Variants in RHOBTB1 observed in about 807,000 individuals in gnomAD.
RHOBTB1 encodes the protein rho-related BTB domain-containing protein 1.
In RHOBTB1, 40 loss-of-function variants were observed where a neutral mutation model predicts 71.6. The ratio of observed to expected loss-of-function variants is 0.56; its 90% CI spans 0.43 to 0.73. The LOEUF (loss-of-function observed/expected upper bound fraction) is 0.73, where lower values mean the gene tolerates loss of function less well. Among genes scored for constraint, RHOBTB1 ranks in the 30% least tolerant of loss-of-function variants. The pLI is 0.00. For synonymous variants in RHOBTB1, 319 were observed against 334.9 expected, an observed-to-expected ratio of 0.95 and a Z score of 0.52; for missense variants, 797 against 894.0, an observed-to-expected ratio of 0.89 and a Z score of 1.38.
intron 5 of RHOBTB1, among the ~76,000 whole-genome samples, chr10:60,892,408 T>A (rs1226732954): frequency 1.3e-5 from 2 of 152,200 alleles, no homozygotes; most frequent in African/African-American, 4.8e-5. Context: ...TATGTGTGTT[T>A]GTATGAATCT....
chr10:60,879,704 T>C (rs2081222369), intron 7 of RHOBTB1, among the ~76,000 whole-genome samples: 1 of 152,088 alleles, frequency 6.6e-6, no homozygotes, highest in African/African-American at 2.4e-5. Flanking sequence ...TAAAGATATA[T>C]ATCTATATAT....
chr10:60,947,849 G>A (rs561894528), upstream of RHOBTB1, among the ~76,000 whole-genome samples: 10 of 152,284 alleles, frequency 6.6e-5, no homozygotes, highest in African/African-American at 1.9e-4. Flanking sequence ...GATGAATACT[G>A]AAGAATGCAA....
intron 1 of RHOBTB1, among the ~76,000 whole-genome samples, chr10:60,991,615 T>C (rs1354927764): frequency 6.6e-6 from 1 of 152,028 alleles, no homozygotes; most frequent in Non-Finnish European, 1.5e-5. Context: ...ATTTTTTTAG[T>C]AGAGACGGGG....
At position 60,888,232 on chromosome 10, in the gene RHOBTB1, A is replaced by G. The variant is rs1331988916; in HGVS notation, c.1436T>C (p.Leu479Pro). The change falls in exon 6 of 11, where the codon CTC (leucine) becomes CCC (proline). Residue 479 changes from leucine to proline, a missense_variant. Transcript: ENST00000337910. ...VRKANRIKEC[L>P]SKGTFSDVTF... ...CTCACCCGAGAACGTTCCCTTGCTG[A>G]GACACTCTTTTATCCGATTGGCTTT... 1.2e-6 allele frequency: 2 copies of G among 1,613,410 alleles called. No individual in the cohort carries two copies.
Position 60,888,660 on chromosome 10 carries a change from G to A in RHOBTB1, c.1008C>T (p.Gly336=), listed in dbSNP as rs770664391. The A allele has an allele frequency of 6.2e-7, 1 of 1,614,066 alleles. No homozygotes were observed. The highest frequency in any genetic ancestry group is 1.7e-5 in the Admixed American group (1 of 60,004). The change falls in exon 6 of 11, where the codon GGC becomes GGT. Residue 336 remains glycine, a synonymous_variant. Coordinates refer to ENST00000337910, the MANE Select transcript of RHOBTB1 (RefSeq NM_014836.5). ...SVDPEEEREE[G]PPRIPQADQW... ...GGTCGGCCTGAGGAATCCTAGGCGG[G>A]CCCTCCTCCCTTTCTTCCTCTGGGT...
intron 4 of RHOBTB1, among the ~76,000 whole-genome samples, chr10:60,906,868 G>A (rs182216142): frequency 2.0e-5 from 3 of 152,318 alleles, no homozygotes; most frequent in Admixed American, 6.5e-5. Context: ...GGACTGATAT[G>A]GTTTGGCTGT....
rs1051173894 is a variant in RHOBTB1 at position 60,932,386 on chromosome 10, T to C, written c.-11+9418A>G. ...GTGGTGACCAGAAGTAGGGCACTGG[T>C]GGTGTACTGGTTCTTGATCTAGGTG... On this transcript the variant is annotated intron_variant, in intron 2 of 10. Transcript: ENST00000337910. 4.6e-5 allele frequency among the ~76,000 whole-genome samples: 7 copies of C among 151,916 alleles called. No homozygotes were observed. In the East Asian group the frequency reaches 1.4e-3, roughly 29 times the overall value.
intron 2 of RHOBTB1, among the ~76,000 whole-genome samples, chr10:60,952,067 C>T (rs2085430328): frequency 6.7e-6 from 1 of 149,432 alleles, no homozygotes; most frequent in Non-Finnish European, 1.5e-5. Flanking sequence ...CAGCCCCCCA[C>T]CCCCCCAAAA....
chr10:60,897,656 T>C (rs1343170118), intron 4 of RHOBTB1, among the ~76,000 whole-genome samples: 8 of 152,200 alleles, frequency 5.3e-5, no homozygotes, highest in Admixed American at 5.2e-4. Context: ...TTGGGTCTCT[T>C]GATACAGTAA....
At chr10:60,881,154 CTT>C (rs1023659963) in intron 7 of RHOBTB1, among the ~76,000 whole-genome samples, 1 of 152,142 alleles carries the variant, frequency 6.6e-6, no homozygotes, top group Non-Finnish European at 1.5e-5. Flanking sequence ...TTCTCTCTCT[CTT>C]GCCTGCTGCC....
chr10:61,000,482 G>A (rs2087222668), intron 1 of RHOBTB1, among the ~76,000 whole-genome samples: 1 of 152,036 alleles, frequency 6.6e-6, no homozygotes, highest in African/African-American at 2.4e-5. Context: ...GCATAAAAAG[G>A]CACATAAAGA....
chr10:60,882,432 G>A (rs143971474), intron 7 of RHOBTB1, among the ~76,000 whole-genome samples: 3 of 152,252 alleles, frequency 2.0e-5, no homozygotes, highest in Middle Eastern at 3.4e-3. Context: ...CCTCTGGGGA[G>A]AGAATTATGC....
upstream of RHOBTB1, chr10:61,001,457 C>T (rs943198012): frequency 6.6e-6 from 1 of 150,528 alleles, no homozygotes; most frequent in African/African-American, 2.4e-5. Flanking sequence ...CCGAGGCTGG[C>T]GCGGGCTTTG....
At chr10:60,865,684 G>C (rs1564708504), downstream of RHOBTB1, among the ~76,000 whole-genome samples, 1 of 152,194 alleles carries the variant, frequency 6.6e-6, no homozygotes. Flanking sequence ...CAGTCTCCAG[G>C]CTGGCCCATA....
At chr10:60,986,386 A>C (rs34808058) in intron 1 of RHOBTB1, among the ~76,000 whole-genome samples, 161 of 134,672 alleles carry the variant, frequency 1.2e-3, no homozygotes, top group Non-Finnish European at 1.7e-3. Context: ...CCAAGAAATT[A>C]ATGAAATATA....
intron 2 of RHOBTB1, among the ~76,000 whole-genome samples, chr10:60,925,559 T>C (rs908398815): frequency 6.6e-6 from 1 of 151,698 alleles, no homozygotes; most frequent in African/African-American, 2.4e-5. Flanking sequence ...CCAAAATTAG[T>C]AGAAGAATTA....
chr10:60,960,032 A>G lies in RHOBTB1; in HGVS notation c.-61-18178T>C, dbSNP rs540405383. 1.4e-4 allele frequency among the ~76,000 whole-genome samples: 22 copies of G among 152,338 alleles called. No homozygotes were observed. In the East Asian group the frequency reaches 4.2e-3, roughly 29 times the overall value. ...GCTGGAAATACTAATTTGTTCTGAC[A>G]TGGAGATTGGTAGGTGTTGTAGAAA... is the stretch of plus-strand genomic sequence containing the variant. On this transcript the variant is annotated intron_variant, in intron 2 of 11. Transcript: ENST00000357917.
At chr10:60,957,590 C>A (rs944914767) in intron 2 of RHOBTB1, among the ~76,000 whole-genome samples, 37 of 151,982 alleles carry the variant, frequency 2.4e-4, no homozygotes. Context: ...ATCCTCAAAA[C>A]CAACCAATCT....
the RHOBTB1 span, among the ~76,000 whole-genome samples, chr10:60,861,389 C>A: frequency 6.6e-6 from 1 of 152,174 alleles, no homozygotes; most frequent in Non-Finnish European, 1.5e-5. Context: ...AAACTGACAG[C>A]TGTAATGTAT....
Sources: gnomAD v4.1 joint callset for allele counts (sites outside exome capture counted in the v4.1 genomes callset) on GRCh38, gnomAD v4.1.1 for gene constraint, MANE v1.5 for transcripts, NCBI Gene and HGNC (gene_info 2026-07-23, HGNC 2026-07-21) for gene names.